The following EIF3A variants were observed in gnomAD, a reference collection of about 807,000 sequenced individuals.
EIF3A encodes the protein EIF3, p180 subunit.
EIF3A carries 21 observed loss-of-function variants against 186.6 expected under a neutral mutation model. The observed-to-expected ratio is 0.11, with a 90% CI of 0.08 to 0.16. The LOEUF is 0.16. Among genes scored for constraint, EIF3A ranks in the 10% least tolerant of loss-of-function variants. The probability of loss-of-function intolerance (pLI) is 1.00; values close to 1 mark genes in which losing one functional copy is unlikely to be tolerated. For synonymous variants in EIF3A, 563 were observed against 584.3 expected, an observed-to-expected ratio of 0.96 and a Z score of 0.52; for missense variants, 1,306 against 1,796.3, an observed-to-expected ratio of 0.73 and a Z score of 4.93.
chr10:119,039,393 A>G (rs942436123), intron 19 of EIF3A, among the ~76,000 whole-genome samples: 12 of 151,874 alleles, frequency 7.9e-5, no homozygotes, highest in African/African-American at 2.4e-4. Context: ...TCTAGTGGCC[A>G]GGCGTGGTGG....
Position 119,051,251 on chromosome 10 carries a change from T to C in EIF3A, c.2267A>G (p.Asp756Gly). The stretch of plus-strand genomic sequence containing the variant: ...GAGTCGCATTACGAATAAATCTCTG[T>C]CTTCAAGCATTCGTGACATTCGATT... ...HKNRMSRMLE[D>G]RDLFVMRLKA... The change falls in exon 15 of 22, where the codon GAC (aspartate) becomes GGC (glycine). Residue 756 changes from aspartate to glycine, a missense_variant. Coordinates refer to ENST00000369144, the MANE Select transcript of EIF3A (RefSeq NM_003750.4). The C allele has an allele frequency of 6.2e-7, 1 of 1,612,446 alleles. No homozygotes were observed. Among genetic ancestry groups the C allele is most frequent in the Non-Finnish European group, 8.5e-7 (1 of 1,179,530 alleles).
intron 12 of EIF3A, among the ~76,000 whole-genome samples, chr10:119,057,543 G>A (rs1445988096): frequency 1.3e-5 from 2 of 152,202 alleles, no homozygotes; most frequent in Non-Finnish European, 2.9e-5. Flanking sequence ...GGGAGGCTGA[G>A]GCAAGTAGAT....
chr10:119,049,849 C>T lies in EIF3A; in HGVS notation c.2610G>A (p.Arg870=). ...QRELEIEERE[R]RREEERRLGD... ...CAAGTCTTCTCTCTTCCTCTCTACG[C>T]CGTTCTCGTTCTTCAATTTCCAACT... The change falls in exon 17 of 22, where the codon CGG becomes CGA. Residue 870 remains arginine, a synonymous_variant. Coordinates refer to ENST00000369144, the MANE Select transcript of EIF3A (RefSeq NM_003750.4). The T allele has an allele frequency of 6.2e-7, 1 of 1,614,190 alleles. No individual in the cohort carries two copies. Among genetic ancestry groups the T allele is most frequent in the Non-Finnish European group, 8.5e-7 (1 of 1,180,008 alleles).
Position 119,036,146 on chromosome 10 carries a change from C to T in EIF3A, c.4042G>A (p.Glu1348Lys), listed in dbSNP as rs1220457851. The T allele has an allele frequency of 1.9e-6, 3 of 1,613,944 alleles. 1 individual carries two copies. The Admixed American group carries it at 5.0e-5, about 27-fold the overall frequency. The change falls in exon 22 of 22, where the codon GAA becomes AAA. Residue 1348 changes from glutamate (E) to lysine (K), a missense_variant. By Grantham distance (56) the Glu-to-Lys change is moderately conservative (BLOSUM62 1). This residue lies in a region of EIF3A where 331 missense variants were observed against 365.8 expected (regional missense o/e 0.90). Coordinates refer to ENST00000369144, the MANE Select transcript of EIF3A (RefSeq NM_003750.4). ...DRERDRDRER[E>K]GEKEKASWRA... ...CATGAGGCCTTCTCTTTTTCACCTT[C>T]TCTTTCTCGGTCTCGGTCTCTTTCT... is the stretch of plus-strand genomic sequence containing the variant.
intron 17 of EIF3A, among the ~76,000 whole-genome samples, chr10:119,049,569 A>G (rs1848328216): frequency 6.6e-6 from 1 of 150,776 alleles, no homozygotes; most frequent in Non-Finnish European, 1.5e-5. Context: ...ATGGAAGAGA[A>G]CTGGGTGATA....
intron 14 of EIF3A, among the ~76,000 whole-genome samples, chr10:119,053,118 CAGT>C (rs1848380358): frequency 6.6e-6 from 1 of 151,820 alleles, no homozygotes; most frequent in Admixed American, 6.6e-5. Flanking sequence ...TTTTTTTGAG[CAGT>C]AGGTCTCAAC....
chr10:119,041,910 A>G, intron 19 of EIF3A, 84 bp downstream of exon 19: 1 of 1,388,774 alleles, frequency 7.2e-7, no homozygotes, highest in South Asian at 1.4e-5. Flanking sequence ...TCTGGAAAAT[A>G]ACAATACAGC....
chr10:119,072,753 C>T, intron 4 of EIF3A, 137 bp downstream of exon 4: 1 of 1,060,202 alleles, frequency 9.4e-7, no homozygotes, highest in Non-Finnish European at 1.3e-6. Context: ...CCACATCCGG[C>T]CGCAGTCATT....
chr10:119,043,696 G>A (rs1848245603), intron 18 of EIF3A, among the ~76,000 whole-genome samples: 1 of 152,112 alleles, frequency 6.6e-6, no homozygotes, highest in African/African-American at 2.4e-5. Flanking sequence ...GAGACAGTCA[G>A]ATCGCTTGAG....
In EIF3A at chr10:119,042,833, G is replaced by A. The variant is rs1243017546; in HGVS notation, c.2748-61C>T. 14 of 1,484,072 alleles carry A rather than the reference G, an allele frequency of 9.4e-6. No homozygotes were observed. The highest frequency in any genetic ancestry group is 1.2e-5 in the Non-Finnish European group (14 of 1,120,974). The allele number at this position is 1,484,072 out of a possible 1,614,324, so 91.9% of individuals were successfully genotyped here. On this transcript the variant is annotated intron_variant, in intron 18 of 21. Transcript: ENST00000369144. This position sits in a 1 kb window ranked among gnomAD's most constrained non-coding sequence, Gnocchi z 7.8. ...ATAAAAAAGCATATGATCCTTTGGG[G>A]ATTTTTTTTTTCACATGCTTTTTAA...
At chr10:119,043,404 A>G (rs993077258) in intron 18 of EIF3A, among the ~76,000 whole-genome samples, 2 of 152,058 alleles carry the variant, frequency 1.3e-5, no homozygotes, top group Non-Finnish European at 2.9e-5. Context: ...GCGCCACTGC[A>G]CTCCAGCCTG....
At chr10:119,040,733 G>A (rs936739211) in intron 19 of EIF3A, among the ~76,000 whole-genome samples, 2 of 152,046 alleles carry the variant, frequency 1.3e-5, no homozygotes, top group Admixed American at 6.5e-5. Context: ...ATGGCCGGGC[G>A]TGGTGGCTCA....
chr10:119,039,045 C>T (rs1354431495), intron 19 of EIF3A, among the ~76,000 whole-genome samples: 1 of 152,176 alleles, frequency 6.6e-6, no homozygotes, highest in South Asian at 2.1e-4. Context: ...CAGATTTCAG[C>T]ATAGTATCTG....
intron 20 of EIF3A, 85 bp downstream of exon 20, chr10:119,038,153 G>A (rs1367437899): frequency 1.7e-6 from 2 of 1,199,614 alleles, no homozygotes; most frequent in Non-Finnish European, 2.4e-6. Context: ...CTGAACTCAG[G>A]TGATCCGCCC....
Position 119,080,618 on chromosome 10 carries a change from A to G in EIF3A, c.49+10T>C. Reference sequence around the variant, plus strand: ...CGCCCCAGCCCGGCGCGCCCCGATCAGCTACTCACCGTTGGCGCGTTTGAG... The same window carrying G: ...CGCCCCAGCCCGGCGCGCCCCGATCGGCTACTCACCGTTGGCGCGTTTGAG... On this transcript the variant is annotated intron_variant, in intron 1 of 21. Transcript: ENST00000369144. 1 of 1,582,700 alleles carries G rather than the reference A, an allele frequency of 6.3e-7. No homozygotes were observed. The highest frequency in any genetic ancestry group is 1.1e-5 in the South Asian group (1 of 86,972).
chr10:119,050,064 A>C, intron 16 of EIF3A, 79 bp from the exon 17 acceptor site: 1 of 1,338,592 alleles, frequency 7.5e-7, no homozygotes, highest in Non-Finnish European at 1.0e-6. Context: ...TTCTGGTATT[A>C]AACAGGTAGC....
chr10:119,061,565 G>C (rs955361813), intron 7 of EIF3A, among the ~76,000 whole-genome samples: 1 of 151,932 alleles, frequency 6.6e-6, no homozygotes. Context: ...AAAAGGAAAT[G>C]AAACTCTAAA....
At chr10:119,059,814 C>T (rs921426944) in intron 9 of EIF3A, 96 bp from the exon 10 acceptor site, 3 of 837,810 alleles carry the variant, frequency 3.6e-6, no homozygotes, top group Non-Finnish European at 4.1e-6. Context: ...AGAAATTATG[C>T]CAGAGAATTT....
At chr10:119,075,297 G>A (rs1405577211) in intron 1 of EIF3A, among the ~76,000 whole-genome samples, 4 of 152,054 alleles carry the variant, frequency 2.6e-5, no homozygotes, top group South Asian at 4.1e-4. Context: ...CCCTGAGCCC[G>A]AAGGCATTCT....
Sources: allele counts gnomAD v4.1 joint callset (sites outside exome capture counted in the v4.1 genomes callset), GRCh38; gene constraint gnomAD v4.1.1; regional missense constraint gnomAD v4.1.1; non-coding constraint Gnocchi (gnomAD v3.1); transcripts MANE v1.5; gene names NCBI Gene and HGNC (gene_info 2026-07-23, HGNC 2026-07-21).